IL1RAPL1: variants seen among roughly 807,000 people sequenced by gnomAD.
The protein encoded by IL1RAPL1 is interleukin-1 receptor accessory protein-like 1.
A neutral mutation model predicts 48.4 loss-of-function variants in IL1RAPL1; 3 were observed. That is an observed-to-expected ratio of 0.06 (90% CI 0.03 to 0.16). The LOEUF is 0.16. Among genes scored for constraint, IL1RAPL1 ranks in the 10% least tolerant of loss-of-function variants. IL1RAPL1 has a pLI of 1.00. For missense variants in IL1RAPL1, 349 were observed against 530.6 expected (o/e 0.66, Z 3.36); for synonymous variants, 185 against 187.7 (o/e 0.99, Z 0.12).
chrX:28,900,184 G>C (rs140714163), intron 2 of IL1RAPL1, among the ~76,000 whole-genome samples: 21 of 111,892 alleles, frequency 1.9e-4, no homozygotes, highest in African/African-American at 6.8e-4. Context: ...TATAGACTGA[G>C]GAATAATAGC....
chrX:28,822,793 G>A (rs1307679648), intron 2 of IL1RAPL1, among the ~76,000 whole-genome samples: 1 of 111,813 alleles, frequency 8.9e-6, no homozygotes, highest in African/African-American at 3.2e-5. Context: ...GATGGAAGGG[G>A]TGTACCCAAG....
intron 6 of IL1RAPL1, among the ~76,000 whole-genome samples, chrX:29,889,269 T>C (rs1350738863): frequency 4.5e-5 from 5 of 111,811 alleles, no homozygotes; most frequent in Non-Finnish European, 1.9e-5. Flanking sequence ...CTGATTGGAA[T>C]ACTTTTGGTA....
chrX:29,295,681 T>C (rs1308596990), intron 3 of IL1RAPL1, among the ~76,000 whole-genome samples: 1 of 111,492 alleles, frequency 9.0e-6, no homozygotes, highest in Non-Finnish European at 1.9e-5. Flanking sequence ...GGCTGCCTAA[T>C]TGTCTAGGCC....
chrX:28,873,854 A>G, intron 2 of IL1RAPL1, among the ~76,000 whole-genome samples: 1 of 109,899 alleles, frequency 9.1e-6, no homozygotes, highest in Non-Finnish European at 1.9e-5. Context: ...TACCATTATT[A>G]AGAAGAATAT....
intron 2 of IL1RAPL1, among the ~76,000 whole-genome samples, chrX:29,261,148 A>G (rs1931851783): frequency 9.1e-6 from 1 of 109,887 alleles, no homozygotes; most frequent in Non-Finnish European, 1.9e-5. Context: ...AGTACCCTAA[A>G]CTTTTTTTCC....
At chrX:28,807,445 G>A (rs186652506) in intron 2 of IL1RAPL1, among the ~76,000 whole-genome samples, 2 of 111,668 alleles carry the variant, frequency 1.8e-5, no homozygotes, top group East Asian at 5.7e-4. Context: ...TTACGTTGTT[G>A]ACATATTCTG....
intron 6 of IL1RAPL1, among the ~76,000 whole-genome samples, chrX:29,729,806 C>A (rs957118486): frequency 8.9e-6 from 1 of 111,757 alleles, no homozygotes; most frequent in Non-Finnish European, 1.9e-5. Flanking sequence ...GGCAGATATG[C>A]TCCCCAGACA....
At chrX:28,830,044 A>G (rs1218018114) in intron 2 of IL1RAPL1, among the ~76,000 whole-genome samples, 2 of 110,457 alleles carry the variant, frequency 1.8e-5, no homozygotes, top group Non-Finnish European at 3.8e-5. Context: ...ATTTCCTATT[A>G]TTTTCTTGAG....
At chrX:29,182,958 A>C (rs1930176192) in intron 2 of IL1RAPL1, among the ~76,000 whole-genome samples, 1 of 111,218 alleles carries the variant, frequency 9.0e-6, no homozygotes, top group Non-Finnish European at 1.9e-5. Context: ...GAGACAAGGA[A>C]TATAGGCAGC....
rs1366978471 is a variant in IL1RAPL1 at position 29,036,647 on chromosome X, G to T, written c.83-246291G>T. 4.5e-5 allele frequency among the ~76,000 whole-genome samples: 5 copies of T among 111,664 alleles called. No homozygotes were observed. The East Asian group carries it at 1.1e-3, about 25-fold the overall frequency. ...CAACCATTTATTTACTTTTATCTTT[G>T]AATAAGCATTGGGAATTATGATTCC... On this transcript the variant is annotated intron_variant, in intron 2 of 10. Coordinates refer to ENST00000378993, the MANE Select transcript of IL1RAPL1 (RefSeq NM_014271.4).
chrX:29,301,076 A>G (rs1932526849), intron 3 of IL1RAPL1, among the ~76,000 whole-genome samples: 1 of 111,945 alleles, frequency 8.9e-6, no homozygotes, highest in Admixed American at 9.5e-5. Context: ...AAATTTTTAT[A>G]TATTATCATA....
At chrX:28,766,940 G>C (rs1936247455) in intron 1 of IL1RAPL1, among the ~76,000 whole-genome samples, 1 of 111,004 alleles carries the variant, frequency 9.0e-6, no homozygotes, top group African/African-American at 3.3e-5. Context: ...CCATTCATCT[G>C]TTGATGGACG....
intron 3 of IL1RAPL1, among the ~76,000 whole-genome samples, chrX:29,357,327 T>G (rs1247736313): frequency 8.9e-6 from 1 of 112,199 alleles, no homozygotes; most frequent in Non-Finnish European, 1.9e-5. Flanking sequence ...TTTTTTTACT[T>G]AGAACACTTT....
chrX:28,888,271 A>C (rs1425266906), intron 2 of IL1RAPL1, among the ~76,000 whole-genome samples: 1 of 110,688 alleles, frequency 9.0e-6, no homozygotes, highest in Non-Finnish European at 1.9e-5. Context: ...AAAAAAAAAA[A>C]ACAAAAACAT....
intron 6 of IL1RAPL1, among the ~76,000 whole-genome samples, chrX:29,749,586 A>T (rs879241321): frequency 8.9e-6 from 1 of 111,943 alleles, no homozygotes; most frequent in Admixed American, 9.5e-5. Flanking sequence ...AATGTCCATG[A>T]TAAAAGAAAA....
At chrX:29,141,546 A>C (rs1380949153) in intron 2 of IL1RAPL1, among the ~76,000 whole-genome samples, 2 of 111,820 alleles carry the variant, frequency 1.8e-5, no homozygotes, top group African/African-American at 6.5e-5. Flanking sequence ...CTCCACTCTT[A>C]CATATATTCT....
At chrX:28,825,218 T>C (rs1260642473) in intron 2 of IL1RAPL1, among the ~76,000 whole-genome samples, 1 of 111,849 alleles carries the variant, frequency 8.9e-6, no homozygotes, top group African/African-American at 3.2e-5. Flanking sequence ...TTTAGAAGTA[T>C]CTTTTATTTG....
chrX:29,048,518 A>G (rs970124363), intron 2 of IL1RAPL1, among the ~76,000 whole-genome samples: 2 of 111,944 alleles, frequency 1.8e-5, no homozygotes, highest in African/African-American at 6.5e-5. Context: ...TTTATTTACT[A>G]TCAACCTACT....
intron 5 of IL1RAPL1, among the ~76,000 whole-genome samples, chrX:29,601,871 G>A (rs1181667489): frequency 1.8e-5 from 2 of 112,245 alleles, no homozygotes; most frequent in South Asian, 3.6e-4. Context: ...AACCTGGTTC[G>A]GTTTTGATGG....
Sources: allele counts gnomAD v4.1 joint callset (sites outside exome capture counted in the v4.1 genomes callset), GRCh38; gene constraint gnomAD v4.1.1; transcripts MANE v1.5; gene names NCBI Gene and HGNC (gene_info 2026-07-23, HGNC 2026-07-21).